Variants in FHAD1 observed in about 807,000 individuals in gnomAD.
FHAD1 encodes forkhead associated phosphopeptide binding domain 1, also known as forkhead-associated domain-containing protein 1.
A neutral mutation model predicts 191.3 loss-of-function variants in FHAD1; 146 were observed. The observed-to-expected ratio is 0.76, with a 90% CI of 0.67 to 0.88. FHAD1 has a LOEUF of 0.88. Ranked by LOEUF, FHAD1 falls within the 40% of genes least tolerant of loss-of-function variation. The probability of loss-of-function intolerance (pLI) is 0.00; values close to 1 mark genes in which losing one functional copy is unlikely to be tolerated. For missense variants in FHAD1, 1,635 were observed against 1,785.8 expected, an observed-to-expected ratio of 0.92 and a Z score of 1.52; for synonymous variants, 616 against 672.3, an observed-to-expected ratio of 0.92 and a Z score of 1.29.
chr1:15,354,963 C>T (rs1428909824), intron 20 of FHAD1, among the ~76,000 whole-genome samples: 3 of 152,172 alleles, frequency 2.0e-5, no homozygotes, highest in Admixed American at 6.6e-5. Context: ...AATCCCAGCA[C>T]TTTGGGAGGC....
chr1:15,299,199 C>CAAAAAAAAAAAAA (rs35299485), intron 5 of FHAD1, among the ~76,000 whole-genome samples: 1 of 46,390 alleles, frequency 2.2e-5, no homozygotes, highest in African/African-American at 8.2e-5. Context: ...GACCCTGTCT[C>CAAAAAAAAAAAAA]AAAAAAAAAA....
intron 26 of FHAD1, among the ~76,000 whole-genome samples, chr1:15,373,770 G>T (rs140845854): frequency 1.3e-5 from 2 of 152,110 alleles, no homozygotes; most frequent in African/African-American, 4.8e-5. Context: ...TCGCTTGAGC[G>T]CAGAGGTAGA....
chr1:15,251,645 C>T (rs539250513), intron 1 of FHAD1, 126 bp from the exon 2 acceptor site: 13 of 700,206 alleles, frequency 1.9e-5, no homozygotes, highest in Non-Finnish European at 3.1e-5. Context: ...CTATCTAATC[C>T]CCCCTCTTCT....
chr1:15,350,783 G>GT (rs1690584984), intron 19 of FHAD1, among the ~76,000 whole-genome samples: 1 of 152,150 alleles, frequency 6.6e-6, no homozygotes, highest in African/African-American at 2.4e-5. Context: ...TCCAGGTGGG[G>GT]TGGGCAGTTG....
chr1:15,275,979 G>T lies in FHAD1; in HGVS notation c.300+3450G>T, dbSNP rs895772859. On this transcript the variant is annotated intron_variant, in intron 3 of 33. Transcript: ENST00000688493. The stretch of plus-strand genomic sequence containing the variant: ...GACCATAACCAACAGAGAGGGACGT[G>T]ACAGCCATTTCAATAGGAAATGGGA... Among the ~76,000 whole-genome samples, 8 of 152,282 alleles carry T rather than the reference G, an allele frequency of 5.3e-5. 1 individual carries two copies. The South Asian group carries it at 1.7e-3, about 32-fold the overall frequency.
In FHAD1 at chr1:15,237,093, C is replaced by A. The variant is rs970879275; in HGVS notation, c.-15+332C>A. ...GTTTCCTGAGGCCTCCCTTGCCCTG[C>A]AGAACTGTGAGTCAATTAAACCTCT... On this transcript the variant is annotated intron_variant, in intron 1 of 33. Transcript: ENST00000683790. 3.3e-5 allele frequency among the ~76,000 whole-genome samples: 5 copies of A among 152,134 alleles called. No individual in the cohort carries two copies. The East Asian group carries it at 9.6e-4, about 29-fold the overall frequency.
chr1:15,255,413 C>G (rs943738651), intron 2 of FHAD1, among the ~76,000 whole-genome samples: 10 of 152,118 alleles, frequency 6.6e-5, no homozygotes, highest in Non-Finnish European at 1.5e-4. Flanking sequence ...CAGGGACAAT[C>G]AATATTGGTA....
intron 4 of FHAD1, among the ~76,000 whole-genome samples, chr1:15,292,423 T>C (rs1665144263): frequency 6.6e-6 from 1 of 152,184 alleles, no homozygotes; most frequent in Non-Finnish European, 1.5e-5. Context: ...AAGCTCCACC[T>C]CCCAGGTTCA....
intron 2 of FHAD1, among the ~76,000 whole-genome samples, chr1:15,253,036 A>G (rs996280634): frequency 1.4e-4 from 22 of 152,272 alleles, no homozygotes; most frequent in Non-Finnish European, 2.9e-4. Flanking sequence ...ATTCACAGGA[A>G]GTTCCAAAAA....
intron 28 of FHAD1, among the ~76,000 whole-genome samples, chr1:15,380,285 G>C (rs1422016457): frequency 1.3e-5 from 2 of 152,148 alleles, no homozygotes; most frequent in African/African-American, 4.8e-5. Context: ...GTTTGTGGGG[G>C]CATGTGTGGA....
rs1377396120 is a variant in FHAD1 at position 15,318,053 on chromosome 1, C to T, written c.1365+125C>T. On this transcript the variant is annotated intron_variant, in intron 10 of 33. Transcript: ENST00000688493. This position sits in a 1 kb window ranked among gnomAD's most constrained non-coding sequence, Gnocchi z 4.1. ...TCTTACAGCTGAGAAAACTGAGGCT[C>T]ACACAGGGACAGGGACCAGGTTCAC... 1.1e-5 allele frequency: 7 copies of T among 620,168 alleles called. No individual in the cohort carries two copies. The highest frequency in any genetic ancestry group is 2.3e-5 in the South Asian group (1 of 44,248). 38.4% of individuals were successfully genotyped at this position (620,168 alleles called of 1,614,324 possible). A position where few individuals can be genotyped will look rare whatever the true frequency, so the allele number is the denominator to read the frequency against.
chr1:15,373,014 G>A (rs1698555055), intron 26 of FHAD1, among the ~76,000 whole-genome samples: 1 of 152,198 alleles, frequency 6.6e-6, no homozygotes, highest in South Asian at 2.1e-4. Flanking sequence ...TTGGCACATA[G>A]AGGTGCTCAA....
At chr1:15,386,230 C>CG (rs1702057555) in intron 31 of FHAD1, among the ~76,000 whole-genome samples, 3 of 152,198 alleles carry the variant, frequency 2.0e-5, no homozygotes, top group African/African-American at 7.2e-5. Flanking sequence ...AGCTCAGTTA[C>CG]TCGGTTACTG....
intron 3 of FHAD1, among the ~76,000 whole-genome samples, chr1:15,288,643 C>A (rs372643719): frequency 2.6e-5 from 4 of 152,300 alleles, no homozygotes; most frequent in African/African-American, 9.6e-5. Context: ...AGGTATGTGC[C>A]AAGCATTTAT....
Position 15,345,153 on chromosome 1 carries a change from T to C in FHAD1, c.2201T>C (p.Met734Thr), listed in dbSNP as rs200826682. Residue 734 changes from methionine (M) to threonine (T), a missense_variant, in exon 17 of 34, where the codon ATG (methionine) becomes ACG (threonine). Coordinates refer to ENST00000688493, the MANE Select transcript of FHAD1 (RefSeq NM_001391957.1). ...KETLEEERKR[M>T]QELESLLAQQ... is the part of the protein sequence containing the mutation. ...ACTTTAGAGGAAGAACGGAAGAGAATGCAAGAACTGGAGAGCCTCCTGGCC... is the reference window on the plus strand; with the variant it reads ...ACTTTAGAGGAAGAACGGAAGAGAACGCAAGAACTGGAGAGCCTCCTGGCC... 3.2e-4 allele frequency: 495 copies of C among 1,551,596 alleles called. 3 individuals are homozygous for C. Among genetic ancestry groups the C allele is most frequent in the Admixed American group, 2.4e-4 (12 of 50,976 alleles).
chr1:15,318,988 T>A lies in FHAD1; in HGVS notation c.1365+1060T>A, dbSNP rs1361922336. Among the ~76,000 whole-genome samples, 2 of 151,626 alleles carry A rather than the reference T, an allele frequency of 1.3e-5. No individual in the cohort carries two copies. Among genetic ancestry groups the A allele is most frequent in the African/African-American group, 4.9e-5 (2 of 40,938 alleles). On this transcript the variant is annotated intron_variant, in intron 10 of 33. Transcript: ENST00000688493. This position sits in a 1 kb window ranked among gnomAD's most constrained non-coding sequence, Gnocchi z 4.1. ...AGAAGATGGTTGTCATTGAGAAAAC[T>A]AAGAATTTTTTTTTTTTAATAAATA... is the stretch of plus-strand genomic sequence containing the variant.
intron 3 of FHAD1, among the ~76,000 whole-genome samples, chr1:15,285,976 T>C (rs528870368): frequency 3.3e-5 from 5 of 152,292 alleles, no homozygotes; most frequent in Middle Eastern, 3.4e-3. Flanking sequence ...ATGAATCCAC[T>C]TATATGAGGG....
chr1:15,365,882 A>G lies in FHAD1; in HGVS notation c.3103A>G (p.Lys1035Glu). The part of the protein sequence containing the change: ...EILSQQEVIM[K>E]LRKDLTEAHS... ...TCTGTCTCAGCAGGAAGTCATCATG[A>G]AGTTAAGGAAAGACCTTACCGAAGC... Residue 1035 changes from lysine to glutamate, a missense_variant, in exon 24 of 34, where the codon AAG becomes GAG. Lys to Glu is a moderately conservative substitution (Grantham distance 56). Coordinates refer to ENST00000688493, the MANE Select transcript of FHAD1 (RefSeq NM_001391957.1). The G allele has an allele frequency of 1.3e-6, 2 of 1,551,668 alleles. No homozygotes were observed. Among genetic ancestry groups the G allele is most frequent in the Non-Finnish European group, 1.7e-6 (2 of 1,146,942 alleles).
chr1:15,335,931 C>A (rs1317188685), intron 14 of FHAD1, among the ~76,000 whole-genome samples: 1 of 152,164 alleles, frequency 6.6e-6, no homozygotes, highest in Non-Finnish European at 1.5e-5. Flanking sequence ...TCCTGGGTCA[C>A]ACGTTGCAGC....
Sources: allele counts gnomAD v4.1 joint callset (sites outside exome capture counted in the v4.1 genomes callset), GRCh38; gene constraint gnomAD v4.1.1; non-coding constraint Gnocchi (gnomAD v3.1); transcripts MANE v1.5; gene names NCBI Gene and HGNC (gene_info 2026-07-23, HGNC 2026-07-21).